Variants in ELOVL6 observed in about 807,000 individuals in gnomAD.
The protein encoded by ELOVL6 is ELOVL fatty acid elongase 6.
ELOVL6 carries 8 observed loss-of-function variants against 31.7 expected under a neutral mutation model. The observed-to-expected ratio is 0.25, with a 90% CI of 0.15 to 0.45. The LOEUF (loss-of-function observed/expected upper bound fraction) is 0.45, where lower values mean the gene tolerates loss of function less well. ELOVL6 is among the 20% of genes least tolerant of loss of function. The pLI, the probability that ELOVL6 is intolerant of heterozygous loss-of-function variation, is 1.00. For missense variants in ELOVL6, 126 were observed against 326.4 expected (o/e 0.39, Z 4.73); for synonymous variants, 101 against 117.7 (o/e 0.86, Z 0.92).
intron 1 of ELOVL6, among the ~76,000 whole-genome samples, chr4:110,136,129 CTTGTG>C (rs1362636439): frequency 1.3e-5 from 2 of 152,254 alleles, no homozygotes; most frequent in East Asian, 3.9e-4. Context: ...TTTGAAATTT[CTTGTG>C]TTATTTTGGT....
chr4:110,155,203 C>T (rs76014383), intron 1 of ELOVL6, among the ~76,000 whole-genome samples: 6,144 of 151,844 alleles, frequency 0.04, 198 homozygotes, highest in East Asian at 0.16. Flanking sequence ...TCACATAGAC[C>T]AAAACTTTTA....
chr4:110,120,903 C>T (rs1027117218), intron 1 of ELOVL6, among the ~76,000 whole-genome samples: 6 of 148,918 alleles, frequency 4.0e-5, no homozygotes, highest in African/African-American at 7.3e-5. Flanking sequence ...CGGGTTCAAG[C>T]GATTCTCCTG....
At chr4:110,077,741 A>C (rs1755689190) in intron 2 of ELOVL6, among the ~76,000 whole-genome samples, 1 of 152,214 alleles carries the variant, frequency 6.6e-6, no homozygotes, top group Non-Finnish European at 1.5e-5. Context: ...TGGACGGACA[A>C]TGACTTTGAC....
At chr4:110,105,405 A>G (rs1756859577) in intron 2 of ELOVL6, 92 bp downstream of exon 2, 2 of 1,333,516 alleles carry the variant, frequency 1.5e-6, no homozygotes, top group East Asian at 2.4e-5. Context: ...ATAATCAAAA[A>G]TATCAGATTT....
chr4:110,079,156 C>T lies in ELOVL6; in HGVS notation c.222-19402G>A, dbSNP rs571894562. ...AATAATAATGGGAGACTTTAACACC[C>T]TACTGTCAACATTAGACAGATCAAC... On this transcript the variant is annotated intron_variant, in intron 2 of 3. Coordinates refer to ENST00000302274, the MANE Select transcript of ELOVL6 (RefSeq NM_024090.3). Among the ~76,000 whole-genome samples the T allele has an allele frequency of 2.6e-5, 4 of 152,288 alleles. No homozygotes were observed. In the East Asian group the frequency reaches 5.8e-4, roughly 22 times the overall value.
intron 2 of ELOVL6, among the ~76,000 whole-genome samples, chr4:110,103,301 GAA>G (rs962514499): frequency 6.7e-6 from 1 of 149,406 alleles, no homozygotes; most frequent in Non-Finnish European, 1.5e-5. Context: ...TGTAATTAAA[GAA>G]AAAAAAATCA....
chr4:110,101,922 TAAA>T (rs1369411836), intron 2 of ELOVL6, among the ~76,000 whole-genome samples: 2 of 152,190 alleles, frequency 1.3e-5, no homozygotes, highest in African/African-American at 4.8e-5. Flanking sequence ...AGGAATTTAA[TAAA>T]TAAGACATCT....
intron 2 of ELOVL6, among the ~76,000 whole-genome samples, chr4:110,084,554 ACACAC>A (rs1756168120): frequency 5.7e-5 from 4 of 69,994 alleles, no homozygotes; most frequent in African/African-American, 3.8e-4. Context: ...ACACACACAC[ACACAC>A]ACAGATATAT....
rs531582831 is a variant in ELOVL6 at position 110,195,968 on chromosome 4, T to C, written c.89+2279A>G. Reference sequence around the variant, plus strand: ...CAGATAAAGAACTAGGAGGAAACAGTGGTCAGAACCTAACAGGAGTAGATA... The same window carrying C: ...CAGATAAAGAACTAGGAGGAAACAGCGGTCAGAACCTAACAGGAGTAGATA... On this transcript the variant is annotated intron_variant, in intron 1 of 3. Transcript: ENST00000302274. Among the ~76,000 whole-genome samples the C allele has an allele frequency of 4.6e-5, 7 of 152,252 alleles. No individual in the cohort carries two copies. The East Asian group carries it at 1.4e-3, about 29-fold the overall frequency.
At chr4:110,056,128 G>GGT (rs372715676) in intron 3 of ELOVL6, among the ~76,000 whole-genome samples, 6 of 143,190 alleles carry the variant, frequency 4.2e-5, no homozygotes, top group Non-Finnish European at 9.0e-5. Context: ...GAGCTGGGGG[G>GGT]GGGGATACAG....
At chr4:110,089,911 G>A (rs1756372591) in intron 2 of ELOVL6, among the ~76,000 whole-genome samples, 1 of 152,212 alleles carries the variant, frequency 6.6e-6, no homozygotes, top group Non-Finnish European at 1.5e-5. Context: ...TAGGTATCCA[G>A]AGGGCACATA....
intron 1 of ELOVL6, among the ~76,000 whole-genome samples, chr4:110,144,910 C>G (rs1244587295): frequency 6.6e-6 from 1 of 152,084 alleles, no homozygotes; most frequent in Non-Finnish European, 1.5e-5. Flanking sequence ...TGAAACCTTT[C>G]TCTTCTATTG....
chr4:110,165,952 A>G (rs1233479774), intron 1 of ELOVL6, among the ~76,000 whole-genome samples: 1 of 152,142 alleles, frequency 6.6e-6, no homozygotes, highest in Non-Finnish European at 1.5e-5. Flanking sequence ...AGGCTTCTCT[A>G]CATCCCTAAC....
intron 1 of ELOVL6, among the ~76,000 whole-genome samples, chr4:110,178,989 G>C (rs1759196629): frequency 6.6e-6 from 1 of 152,008 alleles, no homozygotes; most frequent in Non-Finnish European, 1.5e-5. Context: ...CTATCCACAA[G>C]AAGCAGAAAA....
At chr4:110,055,821 T>C (rs1234853227) in intron 3 of ELOVL6, among the ~76,000 whole-genome samples, 1 of 152,166 alleles carries the variant, frequency 6.6e-6, no homozygotes, top group East Asian at 1.9e-4. Context: ...ATAATCCAAA[T>C]AGTAGGTGCT....
chr4:110,197,001 C>A (rs958567127), intron 1 of ELOVL6, among the ~76,000 whole-genome samples: 1 of 152,226 alleles, frequency 6.6e-6, no homozygotes, highest in Non-Finnish European at 1.5e-5. Context: ...GCACCAGCTC[C>A]TACTGCACCA....
At chr4:110,189,312 C>T (rs554021632) in intron 1 of ELOVL6, among the ~76,000 whole-genome samples, 19 of 151,636 alleles carry the variant, frequency 1.3e-4, no homozygotes, top group Non-Finnish European at 2.1e-4. Context: ...AGAGGCTAGA[C>T]GCAGTGGCTC....
intron 1 of ELOVL6, among the ~76,000 whole-genome samples, chr4:110,191,150 A>T (rs1388387282): frequency 6.6e-6 from 1 of 152,182 alleles, no homozygotes; most frequent in South Asian, 2.1e-4. Flanking sequence ...GGACCCATGT[A>T]TCTCTAAAAT....
intron 1 of ELOVL6, among the ~76,000 whole-genome samples, chr4:110,195,390 G>A (rs1759742369): frequency 6.6e-6 from 1 of 152,068 alleles, no homozygotes; most frequent in Non-Finnish European, 1.5e-5. Flanking sequence ...AAAGTGCTGG[G>A]ATTACAGGCA....
Sources: gnomAD v4.1 joint callset for allele counts (sites outside exome capture counted in the v4.1 genomes callset) on GRCh38, gnomAD v4.1.1 for gene constraint, MANE v1.5 for transcripts, NCBI Gene and HGNC (gene_info 2026-07-23, HGNC 2026-07-21) for gene names.